PSPC1: variants seen among roughly 807,000 people sequenced by gnomAD.
PSPC1 encodes the protein paraspeckle component 1.
A neutral mutation model predicts 51.6 loss-of-function variants in PSPC1; 14 were observed. The ratio of observed to expected loss-of-function variants is 0.27; its 90% confidence interval spans 0.18 to 0.42. The LOEUF (loss-of-function observed/expected upper bound fraction) is 0.42. PSPC1 is among the 10% of genes least tolerant of loss of function. The probability of loss-of-function intolerance (pLI) is 1.00; values close to 1 mark genes in which losing one functional copy is unlikely to be tolerated. For missense variants in PSPC1, 406 were observed against 701.1 expected, an observed-to-expected ratio of 0.58 and a Z score of 4.75; for synonymous variants, 193 against 231.9, an observed-to-expected ratio of 0.83 and a Z score of 1.53.
intron 2 of PSPC1, among the ~76,000 whole-genome samples, chr13:19,769,468 T>C (rs970730685): frequency 6.6e-6 from 1 of 152,128 alleles, no homozygotes; most frequent in Non-Finnish European, 1.5e-5. Flanking sequence ...GGCAGGAGAA[T>C]GGTGAACCCA....
At chr13:19,755,060 C>G (rs1886932874) in intron 3 of PSPC1, among the ~76,000 whole-genome samples, 1 of 151,908 alleles carries the variant, frequency 6.6e-6, no homozygotes, top group Non-Finnish European at 1.5e-5. Flanking sequence ...TGACAAAACT[C>G]TGTCTTTACA....
chr13:19,699,568 G>A (rs1370694448), downstream of PSPC1, among the ~76,000 whole-genome samples: 3 of 151,944 alleles, frequency 2.0e-5, no homozygotes, highest in Non-Finnish European at 4.4e-5. Flanking sequence ...TTTCCATGCT[G>A]GGCTACATAA....
intron 5 of PSPC1, among the ~76,000 whole-genome samples, chr13:19,732,757 T>C (rs1191426985): frequency 2.6e-5 from 4 of 151,920 alleles, no homozygotes; most frequent in African/African-American, 9.7e-5. Context: ...TAAAACCCTG[T>C]CTCTACTAAA....
chr13:19,715,164 A>C lies in PSPC1; in HGVS notation c.1159-5565T>G, dbSNP rs536450345. ...TTATAATATGGTAAATATTGATATA[A>C]TCCTTTAGCAGGACTTTGGCACCCT... On this transcript the variant is annotated intron_variant, in intron 6 of 8. Coordinates refer to ENST00000338910, the MANE Select transcript of PSPC1 (RefSeq NM_001354909.2). Among the ~76,000 whole-genome samples, 6 of 152,328 alleles carry C rather than the reference A, an allele frequency of 3.9e-5. No homozygotes were observed. The South Asian group carries it at 6.2e-4, about 16-fold the overall frequency.
downstream of PSPC1, among the ~76,000 whole-genome samples, chr13:19,701,879 C>T (rs904461303): frequency 1.3e-5 from 2 of 152,100 alleles, no homozygotes; most frequent in African/African-American, 4.8e-5. Context: ...ATATATGATT[C>T]CTTAAATGTA....
At chr13:19,757,546 AG>A (rs1393044573) in intron 3 of PSPC1, among the ~76,000 whole-genome samples, 1 of 152,206 alleles carries the variant, frequency 6.6e-6, no homozygotes, top group Non-Finnish European at 1.5e-5. Context: ...GTCTGGAAGC[AG>A]GGAACAGAAG....
chr13:19,703,519 A>G (rs1291454812), intron 8 of PSPC1, among the ~76,000 whole-genome samples, 159 bp from the exon 9 acceptor site: 1 of 152,258 alleles, frequency 6.6e-6, no homozygotes, highest in Non-Finnish European at 1.5e-5. Flanking sequence ...AGAAAGGAGC[A>G]ATTTAATTAG....
chr13:19,765,390 T>G (rs1887975038), intron 2 of PSPC1, among the ~76,000 whole-genome samples: 1 of 148,284 alleles, frequency 6.7e-6, no homozygotes, highest in African/African-American at 2.5e-5. Context: ...ATTAATAAAA[T>G]ATTTTATGAT....
At position 19,679,495 on chromosome 13, in the gene PSPC1, C is replaced by CA. The variant is rs368957302; in HGVS notation, c.1159-1673dup. Among the ~76,000 whole-genome samples, 163 of 150,386 alleles carry CA rather than the reference C, an allele frequency of 1.1e-3. 3 individuals are homozygous for CA. The highest frequency in any genetic ancestry group is 3.3e-3 in the African/African-American group (136 of 40,964). On this transcript the variant is annotated intron_variant and NMD_transcript_variant, in intron 6 of 7. Transcript: ENST00000471658. ...TGGGCTACAGAGCAAGACCCTTTCT[C>CA]AAAAAAAAAGGAAGAAAAGAAAATG...
intron 6 of PSPC1, among the ~76,000 whole-genome samples, chr13:19,680,976 G>C (rs1877203797): frequency 2.0e-5 from 3 of 152,182 alleles, no homozygotes; most frequent in Admixed American, 2.0e-4. Context: ...CCAGCACTTT[G>C]GGAAGCTGAC....
intron 3 of PSPC1, among the ~76,000 whole-genome samples, chr13:19,757,785 A>C (rs1326869316): frequency 6.6e-6 from 1 of 152,160 alleles, no homozygotes; most frequent in African/African-American, 2.4e-5. Context: ...CCTCCCCTGC[A>C]AAAAAATAAA....
downstream of PSPC1, among the ~76,000 whole-genome samples, chr13:19,698,900 G>GA (rs879256729): frequency 5.3e-5 from 8 of 151,300 alleles, no homozygotes; most frequent in Non-Finnish European, 8.9e-5. Flanking sequence ...TATTCAAAAG[G>GA]AAAAAATGTC....
intron 5 of PSPC1, 83 bp downstream of exon 5, chr13:19,741,482 A>G: frequency 3.0e-6 from 3 of 990,364 alleles, no homozygotes; most frequent in Non-Finnish European, 4.5e-6. Context: ...GTGATACTCA[A>G]CTTATACAAC....
intron 3 of PSPC1, among the ~76,000 whole-genome samples, chr13:19,753,027 A>T (rs1886719083): frequency 6.6e-6 from 1 of 151,806 alleles, no homozygotes; most frequent in African/African-American, 2.4e-5. Context: ...TCACACTTGT[A>T]ATCCCAGCCC....
At chr13:19,716,827 T>C (rs888842274) in intron 6 of PSPC1, among the ~76,000 whole-genome samples, 1 of 152,184 alleles carries the variant, frequency 6.6e-6, no homozygotes, top group Non-Finnish European at 1.5e-5. Context: ...TACCTTTTCC[T>C]TCACTAAAGA....
At chr13:19,774,337 G>T (rs1444835614) in intron 1 of PSPC1, among the ~76,000 whole-genome samples, 1 of 152,168 alleles carries the variant, frequency 6.6e-6, no homozygotes, top group East Asian at 1.9e-4. Flanking sequence ...TTGTCTTAAG[G>T]TCACAAGAGC....
At chr13:19,776,585 G>A (rs1889149663) in intron 1 of PSPC1, among the ~76,000 whole-genome samples, 1 of 151,588 alleles carries the variant, frequency 6.6e-6, no homozygotes, top group Non-Finnish European at 1.5e-5. Context: ...CAATCTCACT[G>A]CAAGCTCCGC....
intron 5 of PSPC1, among the ~76,000 whole-genome samples, chr13:19,732,940 A>C (rs1471007119): frequency 6.6e-6 from 1 of 152,064 alleles, no homozygotes; most frequent in Non-Finnish European, 1.5e-5. Context: ...AAAAAAAGAA[A>C]AAGAAAAAGA....
At chr13:19,738,122 C>T in intron 5 of PSPC1, among the ~76,000 whole-genome samples, 1 of 152,186 alleles carries the variant, frequency 6.6e-6, no homozygotes, top group South Asian at 2.1e-4. Context: ...AAATAAAATA[C>T]AGTATATGTA....
Sources: gnomAD v4.1 joint callset for allele counts (sites outside exome capture counted in the v4.1 genomes callset) on GRCh38, gnomAD v4.1.1 for gene constraint, MANE v1.5 for transcripts, NCBI Gene and HGNC (gene_info 2026-07-23, HGNC 2026-07-21) for gene names.